Variants in SEMA5A observed in about 807,000 individuals in gnomAD.
SEMA5A encodes the protein semaphorin-5A.
A neutral mutation model predicts 135.5 loss-of-function variants in SEMA5A; 55 were observed. The observed-to-expected ratio is 0.41, with a 90% CI of 0.33 to 0.51. SEMA5A has a LOEUF of 0.51. Ranked by LOEUF, SEMA5A falls within the 20% of genes least tolerant of loss-of-function variation. SEMA5A has a pLI of 0.37. For missense variants in SEMA5A, 1,290 were observed against 1,419.9 expected (o/e 0.91, Z 1.47); for synonymous variants, 580 against 546.5 (o/e 1.06, Z -0.85).
chr5:9,330,477 C>G (rs1209558143), intron 4 of SEMA5A, among the ~76,000 whole-genome samples: 4 of 150,690 alleles, frequency 2.7e-5, no homozygotes, highest in African/African-American at 9.8e-5. Flanking sequence ...GCAGAAGGAA[C>G]AGAATGGTTA....
At chr5:9,293,054 G>A (rs1441760993) in intron 5 of SEMA5A, among the ~76,000 whole-genome samples, 1 of 152,108 alleles carries the variant, frequency 6.6e-6, no homozygotes, top group Non-Finnish European at 1.5e-5. Flanking sequence ...TCCTCTCCCT[G>A]CTCTGAGCCT....
At chr5:9,122,409 A>T (rs1740859725) in intron 14 of SEMA5A, among the ~76,000 whole-genome samples, 1 of 152,264 alleles carries the variant, frequency 6.6e-6, no homozygotes, top group African/African-American at 2.4e-5. Flanking sequence ...AAAGCCAATC[A>T]TATTGTCCAA....
intron 16 of SEMA5A, among the ~76,000 whole-genome samples, chr5:9,099,278 T>C (rs1473409273): frequency 6.6e-6 from 1 of 152,164 alleles, no homozygotes; most frequent in African/African-American, 2.4e-5. Flanking sequence ...ATATTAACTT[T>C]CTCAAAAAGC....
chr5:9,162,408 A>G (rs35120433), intron 11 of SEMA5A, among the ~76,000 whole-genome samples: 37 of 116,830 alleles, frequency 3.2e-4, no homozygotes, highest in African/African-American at 1.3e-3. Context: ...GTGTGTGTAT[A>G]TATATGTGTG....
At chr5:9,543,979 T>C (rs1175151733) in intron 1 of SEMA5A, among the ~76,000 whole-genome samples, 1 of 152,198 alleles carries the variant, frequency 6.6e-6, no homozygotes, top group African/African-American at 2.4e-5. Flanking sequence ...GAACTGAAGT[T>C]GTGTAAAGTG....
At chr5:9,406,630 A>G (rs925699289) in intron 2 of SEMA5A, among the ~76,000 whole-genome samples, 1 of 152,254 alleles carries the variant, frequency 6.6e-6, no homozygotes, top group African/African-American at 2.4e-5. Flanking sequence ...AATTATTCAA[A>G]GAAATTTTAA....
chr5:9,349,274 G>A (rs1448220763), intron 3 of SEMA5A, among the ~76,000 whole-genome samples: 1 of 152,192 alleles, frequency 6.6e-6, no homozygotes, highest in Admixed American at 6.5e-5. Flanking sequence ...AGCATTAGGT[G>A]GATGTGCACC....
intron 4 of SEMA5A, among the ~76,000 whole-genome samples, chr5:9,330,253 G>C (rs1293788463): frequency 6.6e-6 from 1 of 152,000 alleles, no homozygotes; most frequent in Non-Finnish European, 1.5e-5. Flanking sequence ...AGCCGGGCGT[G>C]GTAGCGGGCG....
At chr5:9,111,537 T>G (rs1213674131) in intron 15 of SEMA5A, among the ~76,000 whole-genome samples, 1 of 152,182 alleles carries the variant, frequency 6.6e-6, no homozygotes, top group South Asian at 2.1e-4. Context: ...TGTTAATAAA[T>G]TGTCTACTGA....
chr5:9,140,024 A>G (rs1240609192), intron 12 of SEMA5A, among the ~76,000 whole-genome samples: 1 of 152,192 alleles, frequency 6.6e-6, no homozygotes, highest in African/African-American at 2.4e-5. Context: ...CCCCACACAA[A>G]ACAAACAAAT....
chr5:9,504,123 G>A (rs187174101), intron 1 of SEMA5A, among the ~76,000 whole-genome samples: 1,668 of 150,242 alleles, frequency 0.011, 27 homozygotes, highest in African/African-American at 0.038. Flanking sequence ...GCTGAGGCAG[G>A]AGAATCGCTT....
chr5:9,252,174 G>A (rs976672587), intron 5 of SEMA5A, among the ~76,000 whole-genome samples: 1 of 152,118 alleles, frequency 6.6e-6, no homozygotes, highest in Non-Finnish European at 1.5e-5. Flanking sequence ...CTTTTGAAAG[G>A]CCCTTGGTGG....
At chr5:9,313,585 A>C (rs1752240649) in intron 5 of SEMA5A, among the ~76,000 whole-genome samples, 1 of 152,182 alleles carries the variant, frequency 6.6e-6, no homozygotes, top group African/African-American at 2.4e-5. Context: ...TCTAATTCTG[A>C]ACATATAAAA....
chr5:9,417,227 C>T (rs951529862), intron 2 of SEMA5A, among the ~76,000 whole-genome samples: 1 of 152,186 alleles, frequency 6.6e-6, no homozygotes, highest in Admixed American at 6.5e-5. Context: ...ATAAATAAAA[C>T]CAGTTGTACA....
chr5:9,170,406 A>G (rs1403025469), intron 11 of SEMA5A, among the ~76,000 whole-genome samples: 3 of 152,164 alleles, frequency 2.0e-5, no homozygotes, highest in Non-Finnish European at 2.9e-5. Context: ...CTACTCTTAG[A>G]TGCAAATATA....
At chr5:9,179,225 T>A (rs1401993902) in intron 11 of SEMA5A, among the ~76,000 whole-genome samples, 5 of 152,200 alleles carry the variant, frequency 3.3e-5, no homozygotes, top group Non-Finnish European at 7.3e-5. Flanking sequence ...ATATCAAAAA[T>A]TTGTATCAGG....
intron 5 of SEMA5A, among the ~76,000 whole-genome samples, chr5:9,298,990 C>G (rs539425119): frequency 1.3e-5 from 2 of 152,246 alleles, no homozygotes; most frequent in Admixed American, 1.3e-4. Context: ...GCATAATATC[C>G]ATCCAGTTAG....
At chr5:9,227,344 G>A (rs1243043952) in intron 6 of SEMA5A, among the ~76,000 whole-genome samples, 1 of 152,120 alleles carries the variant, frequency 6.6e-6, no homozygotes, top group Non-Finnish European at 1.5e-5. Flanking sequence ...AATGGCCTTG[G>A]ACGGGTATTA....
Position 9,052,015 on chromosome 5 carries a change from C to A in SEMA5A, c.2703G>T (p.Glu901Asp). 1 of 1,607,446 alleles carries A rather than the reference C, an allele frequency of 6.2e-7. No individual in the cohort carries two copies. Among genetic ancestry groups the A allele is most frequent in the Non-Finnish European group, 8.5e-7 (1 of 1,176,018 alleles). ...NTQPCPESWS[E>D]WSDWSECEAS... Reference sequence around the variant, plus strand: ...CTTCACACTCAGACCAGTCCGACCACTCCGACCAGCTCTCTGCAGAGACCA... The same window carrying A: ...CTTCACACTCAGACCAGTCCGACCAATCCGACCAGCTCTCTGCAGAGACCA... Residue 901 changes from glutamate (E) to aspartate (D), a missense_variant, in exon 20 of 23, where the codon GAG becomes GAT. Coordinates refer to ENST00000382496, the MANE Select transcript of SEMA5A (RefSeq NM_003966.3).
Sources: gnomAD v4.1 joint callset for allele counts (sites outside exome capture counted in the v4.1 genomes callset) on GRCh38, gnomAD v4.1.1 for gene constraint, MANE v1.5 for transcripts, NCBI Gene and HGNC (gene_info 2026-07-23, HGNC 2026-07-21) for gene names.